GRID2: variants seen among roughly 807,000 people sequenced by gnomAD.
The protein encoded by GRID2 is glutamate receptor ionotropic, delta-2.
A neutral mutation model predicts 114.8 loss-of-function variants in GRID2; 33 were observed. That is an observed-to-expected ratio of 0.29 (90% CI 0.22 to 0.38). The LOEUF is 0.38. Among genes scored for constraint, GRID2 ranks in the 10% least tolerant of loss-of-function variants. The probability of loss-of-function intolerance (pLI) is 1.00; values close to 1 mark genes in which losing one functional copy is unlikely to be tolerated. For missense variants in GRID2, 1,184 were observed against 1,257.7 expected (o/e 0.94, Z 0.89); for synonymous variants, 505 against 449.9 (o/e 1.12, Z -1.55).
chr4:93,259,182 T>A (rs1749963659), intron 8 of GRID2, among the ~76,000 whole-genome samples: 1 of 151,802 alleles, frequency 6.6e-6, no homozygotes, highest in Non-Finnish European at 1.5e-5. Context: ...ATAGGACAAG[T>A]ACCTAGGAGA....
chr4:93,246,869 C>T (rs1454832331), intron 8 of GRID2, among the ~76,000 whole-genome samples: 1 of 152,178 alleles, frequency 6.6e-6, no homozygotes, highest in African/African-American at 2.4e-5. Flanking sequence ...GAACCCTGCA[C>T]TCTTGAAAAG....
At chr4:93,298,943 T>C (rs978579175) in intron 8 of GRID2, among the ~76,000 whole-genome samples, 1 of 152,198 alleles carries the variant, frequency 6.6e-6, no homozygotes, top group African/African-American at 2.4e-5. Context: ...AGTAATGAAA[T>C]GAGATTAATG....
At chr4:93,033,090 CAA>C (rs1048163185) in intron 2 of GRID2, among the ~76,000 whole-genome samples, 2 of 152,134 alleles carry the variant, frequency 1.3e-5, no homozygotes, top group Non-Finnish European at 2.9e-5. Flanking sequence ...TATATATACT[CAA>C]TATCACACAC....
At chr4:93,064,819 T>A (rs892616002) in intron 2 of GRID2, among the ~76,000 whole-genome samples, 3 of 151,930 alleles carry the variant, frequency 2.0e-5, no homozygotes, top group African/African-American at 7.2e-5. Context: ...TGACATTTCA[T>A]GTTAATGCTT....
chr4:92,754,375 G>A (rs1427932722), intron 2 of GRID2, among the ~76,000 whole-genome samples: 1 of 152,168 alleles, frequency 6.6e-6, no homozygotes, highest in Non-Finnish European at 1.5e-5. Flanking sequence ...CATGATGGTA[G>A]TAGGAGATAG....
At chr4:92,439,476 TA>T (rs869080499) in intron 1 of GRID2, among the ~76,000 whole-genome samples, 5 of 151,876 alleles carry the variant, frequency 3.3e-5, no homozygotes, top group Admixed American at 2.0e-4. Flanking sequence ...TGAAAATTTT[TA>T]GGGGGTGGTA....
chr4:92,678,638 T>G (rs1210085868), intron 2 of GRID2, among the ~76,000 whole-genome samples: 1 of 150,700 alleles, frequency 6.6e-6, no homozygotes, highest in Non-Finnish European at 1.5e-5. Flanking sequence ...AATAAATTGA[T>G]GAGCACCTTA....
intron 2 of GRID2, among the ~76,000 whole-genome samples, chr4:92,902,586 G>A (rs1239418653): frequency 6.6e-6 from 1 of 152,016 alleles, no homozygotes; most frequent in Non-Finnish European, 1.5e-5. Flanking sequence ...GACCAGAACA[G>A]TTTTTCCTAG....
intron 2 of GRID2, among the ~76,000 whole-genome samples, chr4:93,011,122 T>G (rs1289869500): frequency 6.7e-6 from 1 of 150,050 alleles, no homozygotes; most frequent in Non-Finnish European, 1.5e-5. Flanking sequence ...TAAGACAGGT[T>G]TTTTTTTTGT....
At chr4:93,039,860 G>A (rs1040900095) in intron 2 of GRID2, among the ~76,000 whole-genome samples, 2 of 152,120 alleles carry the variant, frequency 1.3e-5, no homozygotes, top group East Asian at 1.9e-4. Context: ...ACACATGTAA[G>A]TGCTCAATTA....
intron 11 of GRID2, among the ~76,000 whole-genome samples, chr4:93,470,525 A>T (rs1724700771): frequency 6.6e-6 from 1 of 152,134 alleles, no homozygotes; most frequent in African/African-American, 2.4e-5. Flanking sequence ...AATTAAAAAT[A>T]ATTGTACTAG....
intron 13 of GRID2, among the ~76,000 whole-genome samples, chr4:93,563,906 C>T (rs577871313): frequency 5.9e-5 from 9 of 151,790 alleles, no homozygotes; most frequent in African/African-American, 1.9e-4. Flanking sequence ...AATGTTACTA[C>T]ATTTTAATAG....
At chr4:92,532,774 T>A (rs1560693470) in intron 1 of GRID2, among the ~76,000 whole-genome samples, 1 of 152,160 alleles carries the variant, frequency 6.6e-6, no homozygotes, top group Non-Finnish European at 1.5e-5. Context: ...TTTGCCATTT[T>A]TTAAATTTGT....
intron 1 of GRID2, among the ~76,000 whole-genome samples, chr4:92,349,475 A>G (rs182214904): frequency 5.5e-4 from 84 of 151,972 alleles, no homozygotes; most frequent in African/African-American, 1.9e-3. Context: ...AAATTAATTA[A>G]ACTAATATAT....
chr4:93,407,757 GTCCTCC>G (rs1417763940), intron 9 of GRID2, among the ~76,000 whole-genome samples: 7 of 21,856 alleles, frequency 3.2e-4, no homozygotes, highest in Non-Finnish European at 3.7e-4. Flanking sequence ...CCTCCTCCTC[GTCCTCC>G]TCCTCCTCCT....
intron 1 of GRID2, among the ~76,000 whole-genome samples, chr4:92,381,522 C>T (rs910220018): frequency 1.3e-5 from 2 of 150,836 alleles, no homozygotes; most frequent in Admixed American, 6.6e-5. Flanking sequence ...TTTTTTCCAG[C>T]AATGCCAATA....
chr4:93,665,925 C>T (rs1723910111), intron 14 of GRID2, among the ~76,000 whole-genome samples: 1 of 152,136 alleles, frequency 6.6e-6, no homozygotes, highest in Non-Finnish European at 1.5e-5. Context: ...TCTAATATTA[C>T]GTCTTCCTGG....
chr4:92,600,042 GTGTATATATATATATATATATATA>G (rs1380027593), intron 2 of GRID2, among the ~76,000 whole-genome samples: 16 of 70,382 alleles, frequency 2.3e-4, no homozygotes, highest in Non-Finnish European at 1.6e-4. Context: ...GTGTGTGTGT[GTGTATATATATATATATATATATA>G]TATATATATA....
At chr4:93,508,159 T>C (rs1163813102) in intron 12 of GRID2, among the ~76,000 whole-genome samples, 1 of 151,176 alleles carries the variant, frequency 6.6e-6, no homozygotes, top group Non-Finnish European at 1.5e-5. Context: ...AAGTATAATA[T>C]AATAAAATAA....
Sources: allele counts gnomAD v4.1 joint callset (sites outside exome capture counted in the v4.1 genomes callset), GRCh38; gene constraint gnomAD v4.1.1; transcripts MANE v1.5; gene names NCBI Gene and HGNC (gene_info 2026-07-23, HGNC 2026-07-21).